Variants in SRGAP3 observed in about 807,000 individuals in gnomAD.
SRGAP3 encodes the protein SLIT-ROBO Rho GTPase-activating protein 3.
SRGAP3 carries 39 observed loss-of-function variants against 121.1 expected under a neutral mutation model. The observed-to-expected ratio is 0.32, with a 90% CI of 0.25 to 0.42. The LOEUF (loss-of-function observed/expected upper bound fraction) is 0.42, where lower values mean the gene tolerates loss of function less well. Ranked by LOEUF, SRGAP3 falls within the 10% of genes least tolerant of loss-of-function variation. The pLI, the probability that SRGAP3 is intolerant of heterozygous loss-of-function variation, is 1.00. For missense variants in SRGAP3, 1,213 were observed against 1,470.6 expected, an observed-to-expected ratio of 0.82 and a Z score of 2.86; for synonymous variants, 601 against 570.0, an observed-to-expected ratio of 1.05 and a Z score of -0.77.
intron 3 of SRGAP3, among the ~76,000 whole-genome samples, chr3:9,277,247 G>T (rs1358416300): frequency 2.6e-5 from 4 of 152,096 alleles, no homozygotes; most frequent in Admixed American, 1.3e-4. Flanking sequence ...TTACAGAAGA[G>T]GAAATAAGAG....
intron 1 of SRGAP3, among the ~76,000 whole-genome samples, chr3:9,160,728 A>G (rs1950576356): frequency 6.6e-6 from 1 of 152,234 alleles, no homozygotes; most frequent in South Asian, 2.1e-4. Context: ...TATGTGAAGA[A>G]TTGATATACG....
chr3:9,000,191 G>A (rs1942668613), intron 18 of SRGAP3, among the ~76,000 whole-genome samples: 1 of 152,172 alleles, frequency 6.6e-6, no homozygotes, highest in African/African-American at 2.4e-5. Context: ...TGTTGCTGAG[G>A]CTAAGTCCCA....
intron 14 of SRGAP3, among the ~76,000 whole-genome samples, chr3:9,024,257 A>G (rs907091772): frequency 2.0e-5 from 3 of 152,226 alleles, no homozygotes; most frequent in Admixed American, 2.0e-4. Context: ...CTATGGAGAC[A>G]TGACCTTTTC....
At chr3:9,112,128 G>C (rs971427830) in intron 2 of SRGAP3, among the ~76,000 whole-genome samples, 2 of 152,170 alleles carry the variant, frequency 1.3e-5, no homozygotes, top group Non-Finnish European at 2.9e-5. Flanking sequence ...GGAAAATTCC[G>C]CTTAGCAAAC....
chr3:9,212,389 G>T (rs1050272367), intron 1 of SRGAP3, among the ~76,000 whole-genome samples: 3 of 152,168 alleles, frequency 2.0e-5, no homozygotes, highest in African/African-American at 4.8e-5. Flanking sequence ...ATCAGCTCAG[G>T]CTTCCCTAGA....
Position 9,013,724 on chromosome 3 carries a change from G to T in SRGAP3, c.1919+13C>A. 1.7e-5 allele frequency: 28 copies of T among 1,613,880 alleles called. No homozygotes were observed. Among genetic ancestry groups the T allele is most frequent in the Non-Finnish European group, 2.3e-5 (27 of 1,179,796 alleles). ...GCCTGAGTCAAAAAGGGGCCCCTTG[G>T]CCAGACACTCACTGGTTGAGGAAAG... On this transcript the variant is annotated intron_variant, in intron 16 of 21. Transcript: ENST00000383836.
At chr3:9,068,820 C>T (rs1174244258) in intron 4 of SRGAP3, among the ~76,000 whole-genome samples, 2 of 152,156 alleles carry the variant, frequency 1.3e-5, no homozygotes, top group Non-Finnish European at 1.5e-5. Flanking sequence ...AGTAAAGGAG[C>T]ATTTCAATGA....
chr3:9,014,844 G>A (rs557919614), intron 15 of SRGAP3: 30 of 152,260 alleles, frequency 2.0e-4, no homozygotes, highest in Non-Finnish European at 2.9e-4. Flanking sequence ...CAACTTTTCT[G>A]TGAATCAAAT....
At chr3:9,034,128 C>T (rs1944633830) in intron 11 of SRGAP3, 1 of 152,234 alleles carries the variant, frequency 6.6e-6, no homozygotes, top group Admixed American at 6.5e-5. Flanking sequence ...GCTCACCATG[C>T]ATATACCTGT....
At chr3:9,278,659 G>A (rs1385425171) in intron 3 of SRGAP3, among the ~76,000 whole-genome samples, 1 of 152,156 alleles carries the variant, frequency 6.6e-6, no homozygotes, top group Non-Finnish European at 1.5e-5. Flanking sequence ...CACAGTCATG[G>A]GAGCCAAGAG....
At chr3:9,019,275 A>T (rs567182380) in intron 14 of SRGAP3, among the ~76,000 whole-genome samples, 3 of 152,248 alleles carry the variant, frequency 2.0e-5, no homozygotes, top group Admixed American at 2.0e-4. Flanking sequence ...TTTTTCAGAC[A>T]TAGTCGAATT....
chr3:9,292,913 C>T (rs925654433), intron 3 of SRGAP3: 2 of 151,822 alleles, frequency 1.3e-5, no homozygotes, highest in African/African-American at 4.8e-5. Flanking sequence ...TCTGTCATTT[C>T]TTCTATTGTT....
At chr3:9,009,041 C>T (rs1381199341) in intron 18 of SRGAP3, among the ~76,000 whole-genome samples, 1 of 152,180 alleles carries the variant, frequency 6.6e-6, no homozygotes, top group Non-Finnish European at 1.5e-5. Context: ...ACAAAAATCA[C>T]CCTTGCTCCT....
At chr3:9,051,444 G>A (rs1020669487) in intron 9 of SRGAP3, among the ~76,000 whole-genome samples, 18 of 152,164 alleles carry the variant, frequency 1.2e-4, no homozygotes, top group African/African-American at 3.9e-4. Context: ...CAGCACGTAT[G>A]CTGAGTAACT....
At chr3:9,090,352 T>A (rs916459494) in intron 3 of SRGAP3, among the ~76,000 whole-genome samples, 3 of 151,382 alleles carry the variant, frequency 2.0e-5, no homozygotes, top group Admixed American at 6.6e-5. Context: ...TGCAGAGCAG[T>A]AGGAAACTAG....
At chr3:9,191,472 T>C (rs991602703) in intron 1 of SRGAP3, among the ~76,000 whole-genome samples, 4 of 152,192 alleles carry the variant, frequency 2.6e-5, no homozygotes, top group Non-Finnish European at 5.9e-5. Context: ...ACGGCACGCA[T>C]TGACAGTGCC....
At chr3:9,118,546 T>G (rs1948885969) in intron 2 of SRGAP3, among the ~76,000 whole-genome samples, 1 of 152,164 alleles carries the variant, frequency 6.6e-6, no homozygotes, top group Non-Finnish European at 1.5e-5. Context: ...GATTATGGAT[T>G]TGACGCTGGT....
chr3:9,320,947 C>T (rs559599687), intron 3 of SRGAP3, among the ~76,000 whole-genome samples: 1 of 151,798 alleles, frequency 6.6e-6, no homozygotes, highest in African/African-American at 2.4e-5. Flanking sequence ...GTAATATATA[C>T]ATTTTTTAAA....
chr3:9,130,345 G>C (rs1380662986), intron 1 of SRGAP3, among the ~76,000 whole-genome samples: 1 of 152,104 alleles, frequency 6.6e-6, no homozygotes, highest in African/African-American at 2.4e-5. Context: ...AACTACACAG[G>C]TCCCCTCTTA....
Sources: allele counts gnomAD v4.1 joint callset (sites outside exome capture counted in the v4.1 genomes callset), GRCh38; gene constraint gnomAD v4.1.1; transcripts MANE v1.5; gene names NCBI Gene and HGNC (gene_info 2026-07-23, HGNC 2026-07-21).